ZFP62: variants seen among roughly 807,000 people sequenced by gnomAD.
The protein encoded by ZFP62 is ZFP62 zinc finger protein.
In ZFP62, 44 loss-of-function variants were observed where a neutral mutation model predicts 56.4. That is an observed-to-expected ratio of 0.78 (90% CI 0.61 to 1.00). The LOEUF is 1.00. ZFP62 is among the 50% of genes least tolerant of loss of function. The probability of loss-of-function intolerance (pLI) is 0.00; values close to 1 mark genes in which losing one functional copy is unlikely to be tolerated. For missense variants in ZFP62, 1,030 were observed against 1,085.7 expected (o/e 0.95, Z 0.72); for synonymous variants, 421 against 388.9 (o/e 1.08, Z -0.97).
At position 180,850,589 on chromosome 5, in the gene ZFP62, G is replaced by C. The variant is rs909857029; in HGVS notation, c.906C>G (p.Ile302Met). The change falls in exon 2 of 2, where the codon ATC (isoleucine) becomes ATG (methionine). Residue 302 changes from isoleucine to methionine, a missense_variant. By Grantham distance (10) the Ile-to-Met change is conservative. Coordinates refer to ENST00000502412, the MANE Select transcript of ZFP62 (RefSeq NM_001172638.2). ...ATTCGTAAGGTTTCTCACCTGTGTG[G>C]ATCCTTTTATGGACCCTAAGGCCAG... ...NSSGLRVHKR[I>M]HTGEKPYECD... 6.4e-7 allele frequency: 1 copy of C among 1,561,944 alleles called. No individual in the cohort carries two copies. Among genetic ancestry groups the C allele is most frequent in the Non-Finnish European group, 8.7e-7 (1 of 1,153,174 alleles).
Position 180,851,038 on chromosome 5 carries a change from T to C in ZFP62, c.457A>G (p.Asn153Asp). The C allele has an allele frequency of 6.4e-7, 1 of 1,551,736 alleles. No homozygotes were observed. The highest frequency in any genetic ancestry group is 8.7e-7 in the Non-Finnish European group (1 of 1,147,002). The change falls in exon 2 of 2, where the codon AAT becomes GAT. Residue 153 changes from asparagine to aspartate, a missense_variant. Physicochemically the swap from Asn to Asp is conservative, Grantham distance 23. Coordinates refer to ENST00000502412, the MANE Select transcript of ZFP62 (RefSeq NM_001172638.2). The stretch of plus-strand genomic sequence containing the variant: ...ATTTTATGTTGAACAAGGCGGGAAT[T>C]ATATTTGAAGGATTTCCCACATTCA... The part of the protein sequence containing the change: ...CDECGKSFKY[N>D]SRLVQHKIMH...
the ZFP62 span, among the ~76,000 whole-genome samples, chr5:180,837,303 G>T: frequency 1.3e-5 from 2 of 152,098 alleles, no homozygotes; most frequent in Non-Finnish European, 2.9e-5. Context: ...TATTCACTGC[G>T]TGTGACATCA....
rs1402408359 is a variant in ZFP62, at chr5:180,849,225, T to C, written c.2270A>G (p.Tyr757Cys). 3.2e-6 allele frequency: 5 copies of C among 1,559,326 alleles called. No individual in the cohort carries two copies. The highest frequency in any genetic ancestry group is 1.9e-5 in the Admixed American group (1 of 51,548). ...HKRIHTGEKP[Y>C]VCDRCGKAFR... is the part of the protein sequence containing the mutation. ...GGCCTTCCCACACCTATCACACACA[T>C]AGGGTTTCTCCCCTGTGTGGATCCT... The change falls in exon 2 of 2, where the codon TAT (tyrosine) becomes TGT (cysteine). Residue 757 changes from tyrosine to cysteine, a missense_variant. Transcript: ENST00000502412.
chr5:180,851,550 A>T lies in ZFP62; in HGVS notation c.2-57T>A, dbSNP rs183836469. ...CACTCTCTTAAAAAAAAACAAAAAC[A>T]AACTGGAATAACAATGAACAACATT... On this transcript the variant is annotated intron_variant, in intron 1 of 1. Transcript: ENST00000502412. 2.1e-6 allele frequency: 3 copies of T among 1,448,876 alleles called. No homozygotes were observed. In the East Asian group the frequency reaches 7.4e-5, roughly 36 times the overall value. The allele number at this position is 1,448,876 out of a possible 1,614,324, so 89.8% of individuals were successfully genotyped here.
downstream of ZFP62, among the ~76,000 whole-genome samples, chr5:180,844,376 T>G (rs1048865943): frequency 5.3e-5 from 8 of 152,168 alleles, no homozygotes; most frequent in Admixed American, 3.9e-4. Context: ...CAGAGGAACT[T>G]CACCTGCTCC....
chr5:180,848,570 C>G lies in ZFP62; in HGVS notation c.*222G>C. On this transcript the variant is annotated 3_prime_UTR_variant, in exon 2 of 2. Coordinates refer to ENST00000502412, the MANE Select transcript of ZFP62 (RefSeq NM_001172638.2). ...CCATCACTCAGATCTAAGTTTTTCTCTCAAGTATGGACTGTTTTATATCCT... is the reference window on the plus strand; with the variant it reads ...CCATCACTCAGATCTAAGTTTTTCTGTCAAGTATGGACTGTTTTATATCCT... The G allele has an allele frequency of 1.6e-6, 2 of 1,244,078 alleles. No individual in the cohort carries two copies. The highest frequency in any genetic ancestry group is 2.0e-6 in the Non-Finnish European group (2 of 992,724). The allele number at this position is 1,244,078 out of a possible 1,614,324, so 77.1% of individuals were successfully genotyped here. A position where few individuals can be genotyped will look rare whatever the true frequency, so the allele number is the denominator to read the frequency against.
Position 180,849,288 on chromosome 5 carries a change from T to C in ZFP62, c.2207A>G (p.Lys736Arg). Residue 736 changes from lysine (K) to arginine (R), a missense_variant, in exon 2 of 2, where the codon AAA (lysine) becomes AGA (arginine). Physicochemically the swap from Lys to Arg is conservative, Grantham distance 26. Coordinates refer to ENST00000502412, the MANE Select transcript of ZFP62 (RefSeq NM_001172638.2). ...AAGGAGAGAGCTGTAACTGAAAGAT[T>C]TCCCACACTCAACACACTTGAAGGG... ...EKPFKCVECG[K>R]SFSYSSLLSQ... 1.9e-6 allele frequency: 3 copies of C among 1,552,956 alleles called. No homozygotes were observed. Among genetic ancestry groups the C allele is most frequent in the Non-Finnish European group, 2.6e-6 (3 of 1,147,588 alleles).
chr5:180,858,292 GAA>G (rs1324221489), intron 1 of ZFP62, among the ~76,000 whole-genome samples: 1 of 121,196 alleles, frequency 8.3e-6, no homozygotes, highest in East Asian at 2.5e-4. Context: ...AAAAAGAAAA[GAA>G]AAAAAAGAAA....
At chr5:180,829,598 GC>G in the ZFP62 span, among the ~76,000 whole-genome samples, 2 of 152,170 alleles carry the variant, frequency 1.3e-5, no homozygotes, top group Non-Finnish European at 2.9e-5. Context: ...CCGATATCTG[GC>G]CCCTATCGGG....
chr5:180,839,699 C>G, the ZFP62 span, among the ~76,000 whole-genome samples: 1 of 152,170 alleles, frequency 6.6e-6, no homozygotes, highest in African/African-American at 2.4e-5. Flanking sequence ...AATTTGAACA[C>G]CAAATCCCTG....
At chr5:180,836,024 C>T in the ZFP62 span, among the ~76,000 whole-genome samples, 6 of 152,242 alleles carry the variant, frequency 3.9e-5, no homozygotes, top group South Asian at 2.1e-4. Flanking sequence ...AAATACTTAC[C>T]GTGTTACAGT....
downstream of ZFP62, among the ~76,000 whole-genome samples, chr5:180,842,736 G>A (rs1773333462): frequency 6.6e-6 from 1 of 152,162 alleles, no homozygotes; most frequent in Non-Finnish European, 1.5e-5. Context: ...TGCAGAGGTG[G>A]AGAAGAATGA....
Position 180,855,649 on chromosome 5 carries a change from C to G in ZFP62, c.2-4156G>C, listed in dbSNP as rs140405431. 4.1e-3 allele frequency among the ~76,000 whole-genome samples: 625 copies of G among 152,252 alleles called. 3 individuals carry two copies. Among genetic ancestry groups the G allele is most frequent in the African/African-American group, 0.015 (605 of 41,532 alleles). The stretch of plus-strand genomic sequence containing the variant: ...TCCACCTTGCCACCCACACTTTTGC[C>G]TAAATCAGAAATGGGCTACTTCCCT... On this transcript the variant is annotated intron_variant, in intron 1 of 1. Coordinates refer to ENST00000502412, the MANE Select transcript of ZFP62 (RefSeq NM_001172638.2).
At chr5:180,829,426 T>C in the ZFP62 span, among the ~76,000 whole-genome samples, 1 of 152,254 alleles carries the variant, frequency 6.6e-6, no homozygotes. Flanking sequence ...AAAAACCTGC[T>C]GGTTTTACGG....
chr5:180,833,767 TTCA>T, the ZFP62 span, among the ~76,000 whole-genome samples: 759 of 148,994 alleles, frequency 5.1e-3, 2 homozygotes, highest in Admixed American at 0.01. Context: ...GCCTCCCGGG[TTCA>T]AGCGATTCTC....
chr5:180,852,933 C>A (rs1196604284), intron 1 of ZFP62, among the ~76,000 whole-genome samples: 2 of 152,192 alleles, frequency 1.3e-5, no homozygotes, highest in Admixed American at 1.3e-4. Flanking sequence ...CAAAGCTTGA[C>A]AATACACTGT....
the ZFP62 span, among the ~76,000 whole-genome samples, chr5:180,828,247 A>C: frequency 6.6e-6 from 1 of 152,110 alleles, no homozygotes; most frequent in Non-Finnish European, 1.5e-5. Context: ...GCCCTGCCAA[A>C]CCTCTGGTGG....
At chr5:180,830,125 A>G in the ZFP62 span, 2 of 151,862 alleles carry the variant, frequency 1.3e-5, no homozygotes, top group Non-Finnish European at 2.9e-5. Flanking sequence ...AAGTGGGGCC[A>G]GTGGTCCTGG....
chr5:180,829,052 C>T, the ZFP62 span, among the ~76,000 whole-genome samples: 2 of 152,148 alleles, frequency 1.3e-5, no homozygotes, highest in African/African-American at 4.8e-5. Flanking sequence ...TTGGTCAGAC[C>T]GGTTCTCTGC....
Sources: allele counts gnomAD v4.1 joint callset (sites outside exome capture counted in the v4.1 genomes callset), GRCh38; gene constraint gnomAD v4.1.1; transcripts MANE v1.5; gene names NCBI Gene and HGNC (gene_info 2026-07-23, HGNC 2026-07-21).